NR3C2: variants seen among roughly 807,000 people sequenced by gnomAD.
The protein encoded by NR3C2 is mineralocorticoid receptor.
A neutral mutation model predicts 86.4 loss-of-function variants in NR3C2; 15 were observed. The observed-to-expected ratio is 0.17, with a 90% CI of 0.12 to 0.27. The LOEUF is 0.27. NR3C2 is among the 10% of genes least tolerant of loss of function. The pLI, the probability that NR3C2 is intolerant of heterozygous loss-of-function variation, is 1.00. For synonymous variants in NR3C2, 458 were observed against 450.5 expected, an observed-to-expected ratio of 1.02 and a Z score of -0.21; for missense variants, 960 against 1,195.6, an observed-to-expected ratio of 0.80 and a Z score of 2.91.
intron 3 of NR3C2, among the ~76,000 whole-genome samples, chr4:148,221,836 G>A (rs1187165402): frequency 6.7e-6 from 1 of 148,770 alleles, no homozygotes; most frequent in Non-Finnish European, 1.5e-5. Flanking sequence ...GGAGGTTGCA[G>A]TGAGCCAAGA....
At chr4:148,084,197 A>T (rs918424394) in intron 8 of NR3C2, among the ~76,000 whole-genome samples, 2 of 152,160 alleles carry the variant, frequency 1.3e-5, no homozygotes, top group Non-Finnish European at 2.9e-5. Flanking sequence ...AAGAAGAGCA[A>T]CTCCAAGACA....
At chr4:148,412,673 A>G (rs1748763667) in intron 2 of NR3C2, among the ~76,000 whole-genome samples, 1 of 152,238 alleles carries the variant, frequency 6.6e-6, no homozygotes, top group Non-Finnish European at 1.5e-5. Flanking sequence ...AACTGTCAGC[A>G]CATTCTAGGC....
At chr4:148,322,167 G>T (rs1460945334) in intron 2 of NR3C2, among the ~76,000 whole-genome samples, 4 of 147,888 alleles carry the variant, frequency 2.7e-5, no homozygotes, top group Admixed American at 2.7e-4. Context: ...TGAAATTCTG[G>T]GTTGAAAATT....
At chr4:148,112,828 A>T (rs895179765) in intron 8 of NR3C2, among the ~76,000 whole-genome samples, 6 of 152,214 alleles carry the variant, frequency 3.9e-5, no homozygotes, top group Admixed American at 2.6e-4. Context: ...TTTCTAAAAG[A>T]TGGACCATTA....
In NR3C2 at chr4:148,129,590, C is replaced by CTTTA. The variant is rs568022957; in HGVS notation, c.2511-9306_2511-9303dup. On this transcript the variant is annotated intron_variant, in intron 6 of 8. Transcript: ENST00000358102. Reference sequence around the variant, plus strand: ...CAACCCATAATCCTACCTGTTATAACTTTATTTATTTATTTATTTATTTTT... The same window carrying CTTTA: ...CAACCCATAATCCTACCTGTTATAACTTTATTTATTTATTTATTTATTTATTTTT... 3.0e-3 allele frequency among the ~76,000 whole-genome samples: 453 copies of CTTTA among 152,140 alleles called. 2 individuals carry two copies. Among genetic ancestry groups the CTTTA allele is most frequent in the Non-Finnish European group, 4.5e-3 (308 of 67,984 alleles).
At chr4:148,369,120 A>C (rs1746289043) in intron 2 of NR3C2, among the ~76,000 whole-genome samples, 1 of 152,244 alleles carries the variant, frequency 6.6e-6, no homozygotes, top group Non-Finnish European at 1.5e-5. Flanking sequence ...CTTGGCAACT[A>C]CCTGTCAGCA....
In NR3C2 at chr4:148,323,603, C is replaced by T. The variant is rs559011068; in HGVS notation, c.1758-63486G>A. ...GTGGTGCGCCGTTTTTTCAGCCCGTCGGAAAAGCGCAGTATTCGGGTGGGA... is the reference window on the plus strand; with the variant it reads ...GTGGTGCGCCGTTTTTTCAGCCCGTTGGAAAAGCGCAGTATTCGGGTGGGA... On this transcript the variant is annotated intron_variant, in intron 2 of 8. Coordinates refer to ENST00000358102, the MANE Select transcript of NR3C2 (RefSeq NM_000901.5). Among the ~76,000 whole-genome samples the T allele has an allele frequency of 1.2e-4, 18 of 152,044 alleles. 1 individual carries two copies. In the South Asian group the frequency reaches 1.3e-3, roughly 11 times the overall value.
At chr4:148,330,464 A>G (rs552714885) in intron 2 of NR3C2, among the ~76,000 whole-genome samples, 1 of 152,192 alleles carries the variant, frequency 6.6e-6, no homozygotes, top group Non-Finnish European at 1.5e-5. Context: ...GCATCCTAGA[A>G]AACAACCCTC....
At chr4:148,214,523 A>G (rs907571705) in intron 3 of NR3C2, among the ~76,000 whole-genome samples, 1 of 152,206 alleles carries the variant, frequency 6.6e-6, no homozygotes, top group Non-Finnish European at 1.5e-5. Context: ...CCATTTAGCC[A>G]TTCAGATGGA....
chr4:148,235,175 C>G (rs1410886612), intron 3 of NR3C2, among the ~76,000 whole-genome samples: 1 of 151,358 alleles, frequency 6.6e-6, no homozygotes. Flanking sequence ...ATAAAAACAA[C>G]TGTAAAAAGA....
At chr4:148,380,540 T>C (rs1746919690) in intron 2 of NR3C2, among the ~76,000 whole-genome samples, 1 of 152,232 alleles carries the variant, frequency 6.6e-6, no homozygotes, top group African/African-American at 2.4e-5. Context: ...CCAAAGCTGT[T>C]GTCCATTTTA....
intron 8 of NR3C2, among the ~76,000 whole-genome samples, chr4:148,092,715 C>A (rs1289129509): frequency 1.3e-5 from 2 of 152,218 alleles, no homozygotes; most frequent in Non-Finnish European, 2.9e-5. Context: ...TCCCTAGACT[C>A]CGGTTTCCTT....
intron 2 of NR3C2, among the ~76,000 whole-genome samples, chr4:148,420,101 G>C (rs968649564): frequency 3.3e-5 from 5 of 152,134 alleles, no homozygotes; most frequent in Non-Finnish European, 7.4e-5. Flanking sequence ...CCCTACTTAA[G>C]GCTGGATGAG....
intron 2 of NR3C2, among the ~76,000 whole-genome samples, chr4:148,295,550 T>G (rs1347615686): frequency 6.8e-6 from 1 of 147,696 alleles, no homozygotes; most frequent in Non-Finnish European, 1.5e-5. Context: ...TTCTGCCATC[T>G]CTGCCCACCA....
In NR3C2 at chr4:148,212,192, A is replaced by G. The variant is rs185941166; in HGVS notation, c.1898-17330T>C. 2.6e-5 allele frequency among the ~76,000 whole-genome samples: 4 copies of G among 152,346 alleles called. No homozygotes were observed. The East Asian group carries it at 7.7e-4, about 29-fold the overall frequency. On this transcript the variant is annotated intron_variant, in intron 3 of 8. Coordinates refer to ENST00000358102, the MANE Select transcript of NR3C2 (RefSeq NM_000901.5). ...TTTGCAAGAACACCATCCGCTATTA[A>G]AAGTATTCCCATTTCACATTGTTCT... is the stretch of plus-strand genomic sequence containing the variant.
intron 5 of NR3C2, among the ~76,000 whole-genome samples, chr4:148,154,097 C>T (rs982872518): frequency 6.6e-6 from 1 of 150,788 alleles, no homozygotes; most frequent in Admixed American, 6.6e-5. Context: ...CAGCCTCTGC[C>T]GCCCAGGTTC....
Position 148,352,099 on chromosome 4 carries a change from T to C in NR3C2, c.1757+83005A>G, listed in dbSNP as rs551193136. Among the ~76,000 whole-genome samples, 3 of 152,306 alleles carry C rather than the reference T, an allele frequency of 2.0e-5. No individual in the cohort carries two copies. The South Asian group carries it at 6.2e-4, about 32-fold the overall frequency. ...AGGGCTGATAGAGAAATCAGATCTG[T>C]TCCCTTGCAGACTTCCTTAAACAAT... On this transcript the variant is annotated intron_variant, in intron 2 of 8. Transcript: ENST00000358102.
chr4:148,208,717 G>A, intron 3 of NR3C2: 1 of 152,194 alleles, frequency 6.6e-6, no homozygotes, highest in East Asian at 1.9e-4. Context: ...TGTGACACCT[G>A]TACCCATACT....
At chr4:148,141,413 C>T (rs547670709) in intron 6 of NR3C2, among the ~76,000 whole-genome samples, 57 of 149,628 alleles carry the variant, frequency 3.8e-4, no homozygotes, top group African/African-American at 1.3e-3. Flanking sequence ...CAGAGTGAGA[C>T]TCCATCTCTC....
Sources: gnomAD v4.1 joint callset for allele counts (sites outside exome capture counted in the v4.1 genomes callset) on GRCh38, gnomAD v4.1.1 for gene constraint, MANE v1.5 for transcripts, NCBI Gene and HGNC (gene_info 2026-07-23, HGNC 2026-07-21) for gene names.